IPMK: variants seen among roughly 807,000 people sequenced by gnomAD.
The protein encoded by IPMK is inositol polyphosphate multikinase.
IPMK carries 17 observed loss-of-function variants against 45.8 expected under a neutral mutation model. That is an observed-to-expected ratio of 0.37 (90% CI 0.25 to 0.56). The LOEUF (loss-of-function observed/expected upper bound fraction) is 0.56, where lower values mean the gene tolerates loss of function less well. Ranked by LOEUF, IPMK falls within the 20% of genes least tolerant of loss-of-function variation. The pLI is 0.79. For synonymous variants in IPMK, 180 were observed against 184.3 expected, an observed-to-expected ratio of 0.98 and a Z score of 0.19; for missense variants, 399 against 498.0, an observed-to-expected ratio of 0.80 and a Z score of 1.89.
chr10:58,237,252 T>C (rs188954715), intron 2 of IPMK, among the ~76,000 whole-genome samples: 1 of 152,268 alleles, frequency 6.6e-6, no homozygotes, highest in Non-Finnish European at 1.5e-5. Flanking sequence ...ATCAGTTATT[T>C]ACTTTTCTAG....
intron 2 of IPMK, among the ~76,000 whole-genome samples, chr10:58,228,911 T>C (rs1001699783): frequency 2.0e-5 from 3 of 152,188 alleles, no homozygotes; most frequent in African/African-American, 7.2e-5. Context: ...TGCATGCCTA[T>C]GAAACAAAAG....
At chr10:58,253,446 G>A (rs1240754358) in intron 1 of IPMK, among the ~76,000 whole-genome samples, 2 of 151,970 alleles carry the variant, frequency 1.3e-5, no homozygotes, top group Admixed American at 1.3e-4. Flanking sequence ...TAGCTTTACT[G>A]GGCCAGGCAC....
chr10:58,197,039 G>A (rs568589970), intron 5 of IPMK, among the ~76,000 whole-genome samples: 11 of 152,268 alleles, frequency 7.2e-5, no homozygotes, highest in South Asian at 2.1e-4. Context: ...GGTGGCTCAC[G>A]CCTGTAATCC....
intron 2 of IPMK, among the ~76,000 whole-genome samples, chr10:58,231,355 C>A (rs1272954177): frequency 6.6e-6 from 1 of 152,132 alleles, no homozygotes; most frequent in Admixed American, 6.5e-5. Flanking sequence ...TCGAGAAGAG[C>A]AACCCCAAGA....
chr10:58,243,595 C>G (rs1838732193), intron 1 of IPMK, among the ~76,000 whole-genome samples: 1 of 152,244 alleles, frequency 6.6e-6, no homozygotes, highest in Non-Finnish European at 1.5e-5. Flanking sequence ...GTCTCCAGCT[C>G]CTGGCCTCGG....
chr10:58,243,315 G>T (rs1174554727), intron 1 of IPMK, among the ~76,000 whole-genome samples: 1 of 152,090 alleles, frequency 6.6e-6, no homozygotes, highest in Non-Finnish European at 1.5e-5. Flanking sequence ...TGCATGGATG[G>T]ATATACATTG....
chr10:58,196,719 G>A, intron 5 of IPMK, 21 bp from the exon 6 acceptor site: 1 of 1,460,016 alleles, frequency 6.8e-7, no homozygotes, highest in Non-Finnish European at 9.3e-7. Flanking sequence ...AAAAATATGA[G>A]CGTTATAATC....
chr10:58,218,450 C>T (rs1012287731), intron 3 of IPMK, among the ~76,000 whole-genome samples: 14 of 152,178 alleles, frequency 9.2e-5, no homozygotes, highest in Non-Finnish European at 2.1e-4. Flanking sequence ...AGGAAGAAAA[C>T]AGATCCAGCC....
At chr10:58,199,396 G>T in intron 4 of IPMK, 75 bp from the exon 5 acceptor site, 1 of 892,852 alleles carries the variant, frequency 1.1e-6, no homozygotes, top group South Asian at 2.1e-5. Context: ...CACAAGGGTG[G>T]CTAAAGATGA....
intron 1 of IPMK, among the ~76,000 whole-genome samples, chr10:58,259,219 A>G (rs967503342): frequency 1.3e-5 from 2 of 152,328 alleles, no homozygotes; most frequent in East Asian, 3.9e-4. Flanking sequence ...CTAAAGGAAC[A>G]AGGGTTTCTT....
intron 4 of IPMK, among the ~76,000 whole-genome samples, chr10:58,204,779 A>C (rs773182442): frequency 6.6e-5 from 10 of 152,182 alleles, no homozygotes; most frequent in Non-Finnish European, 1.2e-4. Context: ...TGGATGACAG[A>C]GCAAAGACCC....
intron 1 of IPMK, among the ~76,000 whole-genome samples, chr10:58,243,650 G>A (rs1031395395): frequency 5.9e-5 from 9 of 152,330 alleles, no homozygotes; most frequent in Non-Finnish European, 1.2e-4. Context: ...GATTGCAGAC[G>A]GAGTCTCGCT....
chr10:58,214,316 A>G (rs1243906487), intron 4 of IPMK, among the ~76,000 whole-genome samples: 1 of 152,222 alleles, frequency 6.6e-6, no homozygotes, highest in Admixed American at 6.5e-5. Flanking sequence ...AGGCATGTGC[A>G]TCTGTTAGCA....
intron 4 of IPMK, among the ~76,000 whole-genome samples, chr10:58,200,860 T>C (rs1837985981): frequency 6.6e-6 from 1 of 152,186 alleles, no homozygotes; most frequent in African/African-American, 2.4e-5. Context: ...TTTGTACATA[T>C]TTATGGGGCA....
Position 58,195,955 on chromosome 10 carries a change from TA to T in IPMK, c.*120del, listed in dbSNP as rs1837885970. The T allele has an allele frequency of 1.1e-6, 1 of 933,080 alleles. No individual in the cohort carries two copies. Among genetic ancestry groups the T allele is most frequent in the Non-Finnish European group, 1.6e-6 (1 of 614,414 alleles). 57.8% of individuals were successfully genotyped at this position (933,080 alleles called of 1,614,324 possible). A position where few individuals can be genotyped will look rare whatever the true frequency, so the allele number is the denominator to read the frequency against. ...AAAGTTAACCATTCTTCCAAAAGTA[TA>T]AAGACAAATAAAATGTCGACTCATA... On this transcript the variant is annotated 3_prime_UTR_variant, in exon 6 of 6. Coordinates refer to ENST00000373935, the MANE Select transcript of IPMK (RefSeq NM_152230.5).
At chr10:58,210,825 AG>A (rs1454490583) in intron 4 of IPMK, among the ~76,000 whole-genome samples, 10 of 152,198 alleles carry the variant, frequency 6.6e-5, no homozygotes, top group African/African-American at 2.4e-4. Flanking sequence ...CAGAGTTTGC[AG>A]TGATCCTTTC....
intron 4 of IPMK, among the ~76,000 whole-genome samples, chr10:58,213,508 T>A (rs1306865818): frequency 6.6e-6 from 1 of 151,822 alleles, no homozygotes; most frequent in Admixed American, 6.6e-5. Flanking sequence ...CATGGTGAAA[T>A]CCCATATCTA....
At chr10:58,261,967 A>G (rs1373078948) in intron 1 of IPMK, among the ~76,000 whole-genome samples, 1 of 152,152 alleles carries the variant, frequency 6.6e-6, no homozygotes, top group Non-Finnish European at 1.5e-5. Context: ...ACTGGAAACC[A>G]TCATTCTGAA....
chr10:58,223,050 C>T (rs1378907644), intron 3 of IPMK, among the ~76,000 whole-genome samples: 2 of 152,104 alleles, frequency 1.3e-5, no homozygotes, highest in Non-Finnish European at 2.9e-5. Context: ...GTACAGTGTA[C>T]ACTGCTCTGG....
Sources: allele counts gnomAD v4.1 joint callset (sites outside exome capture counted in the v4.1 genomes callset), GRCh38; gene constraint gnomAD v4.1.1; transcripts MANE v1.5; gene names NCBI Gene and HGNC (gene_info 2026-07-23, HGNC 2026-07-21).